Variants in DGKI observed in about 807,000 individuals in gnomAD.
DGKI encodes the protein DAG kinase iota.
DGKI carries 55 observed loss-of-function variants against 147.5 expected under a neutral mutation model. The ratio of observed to expected loss-of-function variants is 0.37; its 90% CI spans 0.30 to 0.47. The LOEUF is 0.47. Ranked by LOEUF, DGKI falls within the 20% of genes least tolerant of loss-of-function variation. DGKI has a pLI of 1.00. For missense variants in DGKI, 1,007 were observed against 1,323.8 expected (o/e 0.76, Z 3.71); for synonymous variants, 469 against 477.1 (o/e 0.98, Z 0.22).
intron 19 of DGKI, among the ~76,000 whole-genome samples, chr7:137,567,512 G>A (rs1051728448): frequency 2.0e-4 from 31 of 152,130 alleles, no homozygotes; most frequent in Non-Finnish European, 4.4e-5. Context: ...AAATGCCTCA[G>A]GGATCCTATC....
Position 137,681,606 on chromosome 7 carries a change from T to C in DGKI, c.511-2954A>G, listed in dbSNP as rs1407739250. On this transcript the variant is annotated intron_variant, in intron 2 of 32. Transcript: ENST00000614521. ...ACTGGTGCCAGGCACTGAGATTCTG[T>C]GTTAATCAATGGAGAAAAATCTACC... 6.6e-5 allele frequency among the ~76,000 whole-genome samples: 10 copies of C among 152,354 alleles called. No individual in the cohort carries two copies. The East Asian group carries it at 1.5e-3, about 23-fold the overall frequency.
chr7:137,548,457 C>T (rs1817935139), intron 20 of DGKI, among the ~76,000 whole-genome samples: 1 of 152,102 alleles, frequency 6.6e-6, no homozygotes, highest in African/African-American at 2.4e-5. Context: ...AGTGAGTTCT[C>T]ACTCTGAGTT....
rs533993618 is a variant in DGKI, at chr7:137,428,557, T to A, written c.2761+15520A>T. ...GTGTTGGAAGTTCTGGCCAGGGCAA[T>A]TAGGCAGGAGAAGGAAATAAAGGGT... On this transcript the variant is annotated intron_variant, in intron 28 of 32. Transcript: ENST00000614521. Among the ~76,000 whole-genome samples the A allele has an allele frequency of 3.9e-5, 6 of 152,232 alleles. No individual in the cohort carries two copies. In the East Asian group the frequency reaches 1.2e-3, roughly 29 times the overall value.
intron 1 of DGKI, among the ~76,000 whole-genome samples, chr7:137,836,504 C>T (rs1327842907): frequency 6.6e-6 from 1 of 152,168 alleles, no homozygotes; most frequent in Non-Finnish European, 1.5e-5. Context: ...CCATTTCAGA[C>T]ATGTAAAGTG....
At chr7:137,477,867 C>T (rs1485859095) in intron 23 of DGKI, among the ~76,000 whole-genome samples, 1 of 152,052 alleles carries the variant, frequency 6.6e-6, no homozygotes, top group African/African-American at 2.4e-5. Flanking sequence ...CACCATGTTA[C>T]CCAGACTGGT....
chr7:137,606,312 T>A (rs11974757), intron 10 of DGKI, among the ~76,000 whole-genome samples: 3,653 of 149,224 alleles, frequency 0.024, 130 homozygotes, highest in African/African-American at 0.076. Context: ...AAAAATTTTT[T>A]AAAAAAAAAG....
chr7:137,605,761 G>A (rs1820163213), intron 10 of DGKI, among the ~76,000 whole-genome samples: 1 of 152,194 alleles, frequency 6.6e-6, no homozygotes, highest in African/African-American at 2.4e-5. Flanking sequence ...CTAAGAAAGT[G>A]GATCTGACAG....
At chr7:137,508,219 C>CTTTTTTT (rs1171968411) in intron 21 of DGKI, among the ~76,000 whole-genome samples, 2 of 92,534 alleles carry the variant, frequency 2.2e-5, no homozygotes, top group Non-Finnish European at 4.4e-5. Flanking sequence ...AGACAGGTTT[C>CTTTTTTT]TTTTTTTTTT....
chr7:137,485,808 C>T (rs1022454573), intron 22 of DGKI, among the ~76,000 whole-genome samples: 2 of 152,082 alleles, frequency 1.3e-5, no homozygotes, highest in Non-Finnish European at 2.9e-5. Context: ...CCTTTAAACA[C>T]TTAGAAAGCT....
chr7:137,517,199 A>T (rs997862958), intron 21 of DGKI, among the ~76,000 whole-genome samples: 1 of 149,932 alleles, frequency 6.7e-6, no homozygotes, highest in Admixed American at 6.8e-5. Context: ...AAAAGAAAAG[A>T]AAAGAAAAGT....
intron 8 of DGKI, among the ~76,000 whole-genome samples, chr7:137,613,465 G>A (rs1239691485): frequency 1.3e-5 from 2 of 152,088 alleles, no homozygotes; most frequent in Non-Finnish European, 2.9e-5. Flanking sequence ...TGAAGCTTTA[G>A]AATTCACCAA....
At chr7:137,691,248 T>C (rs1823593731) in intron 1 of DGKI, among the ~76,000 whole-genome samples, 1 of 152,180 alleles carries the variant, frequency 6.6e-6, no homozygotes, top group Non-Finnish European at 1.5e-5. Flanking sequence ...CCAAAGCCCA[T>C]CAAGGGGAGC....
At chr7:137,658,848 G>A (rs1045942817) in intron 3 of DGKI, among the ~76,000 whole-genome samples, 3 of 152,198 alleles carry the variant, frequency 2.0e-5, no homozygotes, top group South Asian at 2.1e-4. Context: ...CTTCTGGAAC[G>A]TCATGTAAAT....
intron 8 of DGKI, among the ~76,000 whole-genome samples, chr7:137,612,715 A>G (rs910650953): frequency 7.2e-5 from 11 of 152,154 alleles, no homozygotes; most frequent in African/African-American, 2.7e-4. Context: ...TACTGTGTAG[A>G]ATTTGTTGGT....
At chr7:137,816,245 AAC>A (rs1426519177) in intron 1 of DGKI, among the ~76,000 whole-genome samples, 1 of 152,210 alleles carries the variant, frequency 6.6e-6, no homozygotes, top group Non-Finnish European at 1.5e-5. Flanking sequence ...TGTGTGAATA[AAC>A]ACACAAGATC....
chr7:137,578,078 C>G (rs1819050927), intron 16 of DGKI, among the ~76,000 whole-genome samples, 192 bp downstream of exon 16: 1 of 152,184 alleles, frequency 6.6e-6, no homozygotes, highest in Non-Finnish European at 1.5e-5. Context: ...CACCAACTCT[C>G]TTTCTGACAG....
In DGKI at chr7:137,445,498, C is replaced by T. The variant is rs190430611; in HGVS notation, c.2736-1396G>A. On this transcript the variant is annotated intron_variant, in intron 27 of 32. Transcript: ENST00000614521. ...CCTCCCTGGGTAGGGTTGATTTATC[C>T]TCCCACTGGATTCCCTTATTTTTTA... Among the ~76,000 whole-genome samples, 8 of 152,254 alleles carry T rather than the reference C, an allele frequency of 5.3e-5. No individual in the cohort carries two copies. In the East Asian group the frequency reaches 1.5e-3, roughly 29 times the overall value.
At chr7:137,633,288 C>A (rs1821199128) in intron 6 of DGKI, among the ~76,000 whole-genome samples, 1 of 151,430 alleles carries the variant, frequency 6.6e-6, no homozygotes, top group African/African-American at 2.4e-5. Context: ...TCCACAAATC[C>A]ATCAGTATTA....
chr7:137,638,617 C>CAT (rs1563125886), intron 6 of DGKI, among the ~76,000 whole-genome samples: 527 of 5,586 alleles, frequency 0.094, 149 homozygotes, highest in Middle Eastern at 0.5. Context: ...TATATACACA[C>CAT]ACACATATAT....
Sources: allele counts gnomAD v4.1 joint callset (sites outside exome capture counted in the v4.1 genomes callset), GRCh38; gene constraint gnomAD v4.1.1; transcripts MANE v1.5; gene names NCBI Gene and HGNC (gene_info 2026-07-23, HGNC 2026-07-21).